Variants in ZSCAN31 observed in about 807,000 individuals in gnomAD.
The protein encoded by ZSCAN31 is zinc finger and SCAN domain-containing protein 31.
In ZSCAN31, 14 loss-of-function variants were observed where a neutral mutation model predicts 22.5. The observed-to-expected ratio is 0.62, with a 90% CI of 0.41 to 0.97. The LOEUF (loss-of-function observed/expected upper bound fraction) is 0.97, where lower values mean the gene tolerates loss of function less well. ZSCAN31 is among the 50% of genes least tolerant of loss of function. The probability of loss-of-function intolerance (pLI) is 0.00; values close to 1 mark genes in which losing one functional copy is unlikely to be tolerated. For synonymous variants in ZSCAN31, 168 were observed against 169.8 expected, an observed-to-expected ratio of 0.99 and a Z score of 0.08; for missense variants, 424 against 483.4, an observed-to-expected ratio of 0.88 and a Z score of 1.15.
chr6:28,336,600 A>C (rs149225191), upstream of ZSCAN31, among the ~76,000 whole-genome samples: 5 of 152,228 alleles, frequency 3.3e-5, no homozygotes, highest in South Asian at 2.1e-4. Context: ...ACACTTTCCA[A>C]CTGGGGACAG....
chr6:28,338,472 C>T (rs765809228), upstream of ZSCAN31, among the ~76,000 whole-genome samples: 2 of 151,896 alleles, frequency 1.3e-5, no homozygotes, highest in Non-Finnish European at 2.9e-5. Flanking sequence ...ATTACAATTA[C>T]AAAACGAGAC....
Position 28,329,630 on chromosome 6 carries a change from G to A in ZSCAN31, c.54C>T (p.Asp18=), listed in dbSNP as rs1307321965. ...GGTGGGTTTCTTGGTCCCAGATAGGGTCTTCCTCCACTTTCACAATCTTAA... is the reference window on the plus strand; with the variant it reads ...GGTGGGTTTCTTGGTCCCAGATAGGATCTTCCTCCACTTTCACAATCTTAA... ...YDLKIVKVEE[D]PIWDQETHLR... is the part of the protein sequence containing the mutation. Residue 18 remains aspartate (D), a synonymous_variant, in exon 2 of 4, where the codon GAC becomes GAT. Coordinates refer to ENST00000344279, the MANE Select transcript of ZSCAN31 (RefSeq NM_030899.5). 6.8e-6 allele frequency: 11 copies of A among 1,614,138 alleles called. No homozygotes were observed. Among genetic ancestry groups the A allele is most frequent in the East Asian group, 2.2e-5 (1 of 44,884 alleles).
chr6:28,342,261 T>C (rs1378510938), intron 2 of ZSCAN31, among the ~76,000 whole-genome samples: 1 of 152,170 alleles, frequency 6.6e-6, no homozygotes, highest in African/African-American at 2.4e-5. Context: ...AACTCTGCGA[T>C]TTAGGATAGG....
chr6:28,355,330 T>C (rs1233056239), upstream of ZSCAN31: 1 of 152,182 alleles, frequency 6.6e-6, no homozygotes, highest in Non-Finnish European at 1.5e-5. Flanking sequence ...CACCCTGCTA[T>C]TGGGTAAGTC....
chr6:28,332,922 C>G (rs1763870109), intron 1 of ZSCAN31, among the ~76,000 whole-genome samples: 1 of 152,132 alleles, frequency 6.6e-6, no homozygotes, highest in Non-Finnish European at 1.5e-5. Flanking sequence ...CAAATTGACT[C>G]CAAACATTTG....
rs181502806 is a variant in ZSCAN31 at position 28,326,007 on chromosome 6, G to C, written c.*159C>G. ...ATGCAATACAAAATAAATTTTATAAGAACAGAATAAGCCACTTGAAAATCT... is the reference window on the plus strand; with the variant it reads ...ATGCAATACAAAATAAATTTTATAACAACAGAATAAGCCACTTGAAAATCT... On this transcript the variant is annotated 3_prime_UTR_variant, in exon 4 of 4. Transcript: ENST00000344279. 1 of 695,358 alleles carries C rather than the reference G, an allele frequency of 1.4e-6. No homozygotes were observed. Among genetic ancestry groups the C allele is most frequent in the African/African-American group, 1.8e-5 (1 of 56,678 alleles). The allele number at this position is 695,358 out of a possible 1,614,324, so 43.1% of individuals were successfully genotyped here. A position where few individuals can be genotyped will look rare whatever the true frequency, so the allele number is the denominator to read the frequency against.
At chr6:28,343,545 T>TTG (rs1218418082) in intron 2 of ZSCAN31, among the ~76,000 whole-genome samples, 1 of 87,906 alleles carries the variant, frequency 1.1e-5, no homozygotes, top group Non-Finnish European at 2.2e-5. Flanking sequence ...TTTCTTTCTT[T>TTG]TTTTTTTTTT....
Position 28,347,084 on chromosome 6 carries a change from G to T in ZSCAN31, c.-370-5292C>A, listed in dbSNP as rs867931675. ...CTTATACCCCTTACATCAAGGCAAG[G>T]CAATTCTTAAGGACTGTCCCATCCC... On this transcript the variant is annotated intron_variant, in intron 2 of 7. Coordinates refer to the ZSCAN31 transcript ENST00000396838. This position sits in a 1 kb window ranked among gnomAD's most constrained non-coding sequence, Gnocchi z 5.2. 6.6e-6 allele frequency among the ~76,000 whole-genome samples: 1 copy of T among 152,158 alleles called. No individual in the cohort carries two copies. Among genetic ancestry groups the T allele is most frequent in the African/African-American group, 2.4e-5 (1 of 41,430 alleles).
chr6:28,344,975 C>CA (rs11320776), intron 2 of ZSCAN31, among the ~76,000 whole-genome samples: 10,774 of 123,806 alleles, frequency 0.087, 516 homozygotes, highest in East Asian at 0.12. Flanking sequence ...ACTAAAACTA[C>CA]AAAAAAAAAA....
In ZSCAN31 at chr6:28,329,497, G is replaced by A; in HGVS notation, c.187C>T (p.Leu63Phe). The A allele has an allele frequency of 6.2e-7, 1 of 1,614,166 alleles. No individual in the cohort carries two copies. The highest frequency in any genetic ancestry group is 8.5e-7 in the Non-Finnish European group (1 of 1,180,038). ...PREALSRLRE[L>F]CHQWLRPEIH... The stretch of plus-strand genomic sequence containing the variant: ...TCTGGCCTTAGCCACTGATGACAGA[G>A]TTCTCGGAGCCGGCTCAGAGCTTCT... Residue 63 changes from leucine (L) to phenylalanine (F), a missense_variant, in exon 2 of 4, where the codon CTC becomes TTC. Transcript: ENST00000344279.
rs1056366650 is a variant in ZSCAN31, at chr6:28,331,454, C to T, written c.-95-1676G>A. On this transcript the variant is annotated intron_variant, in intron 1 of 3. Transcript: ENST00000344279. The surrounding 1 kb of genome is among the most constrained non-coding windows in gnomAD (Gnocchi z 4.8). ...CTACTAGGTGTCTGGAATAAAGGAA[C>T]GGTCCCTAACTTTATGGTATTTACC... Among the ~76,000 whole-genome samples, 3 of 152,100 alleles carry T rather than the reference C, an allele frequency of 2.0e-5. No homozygotes were observed. Among genetic ancestry groups the T allele is most frequent in the Admixed American group, 6.5e-5 (1 of 15,268 alleles).
chr6:28,326,539 T>C lies in ZSCAN31; in HGVS notation c.848A>G (p.Asn283Ser), dbSNP rs1763284368. 2 of 1,614,068 alleles carry C rather than the reference T, an allele frequency of 1.2e-6. No homozygotes were observed. Among genetic ancestry groups the C allele is most frequent in the Non-Finnish European group, 1.7e-6 (2 of 1,180,030 alleles). The change falls in exon 4 of 4, where the codon AAT becomes AGT. Residue 283 changes from asparagine (N) to serine (S), a missense_variant. By Grantham distance (46) the Asn-to-Ser change is conservative. Coordinates refer to ENST00000344279, the MANE Select transcript of ZSCAN31 (RefSeq NM_030899.5). ...TCCAGTGTGGCTCCGCCGATGTTCATTCAGGCTTGACCTCCGGCTGAAGGC... is the reference window on the plus strand; with the variant it reads ...TCCAGTGTGGCTCCGCCGATGTTCACTCAGGCTTGACCTCCGGCTGAAGGC... The part of the protein sequence containing the change: ...GKAFSRRSSL[N>S]EHRRSHTGEK...
At chr6:28,327,557 G>A (rs1763392498) in intron 2 of ZSCAN31, 24 bp from the exon 3 acceptor site, 1 of 1,608,508 alleles carries the variant, frequency 6.2e-7, no homozygotes, top group African/African-American at 1.3e-5. Context: ...GGCATATTTG[G>A]TTAAAGAGGG....
At chr6:28,348,259 T>C (rs1193343787) in intron 2 of ZSCAN31, among the ~76,000 whole-genome samples, 2 of 152,188 alleles carry the variant, frequency 1.3e-5, no homozygotes, top group Non-Finnish European at 2.9e-5. Context: ...CCTTATAGTT[T>C]GTATGTTTAT....
chr6:28,332,769 C>A (rs1291784759), intron 1 of ZSCAN31, among the ~76,000 whole-genome samples: 1 of 152,130 alleles, frequency 6.6e-6, no homozygotes, highest in Non-Finnish European at 1.5e-5. Flanking sequence ...CAGTGGTGAC[C>A]TCCCATTTGT....
At chr6:28,334,585 T>C (rs958481144) in intron 1 of ZSCAN31, among the ~76,000 whole-genome samples, 1 of 152,176 alleles carries the variant, frequency 6.6e-6, no homozygotes, top group South Asian at 2.1e-4. Context: ...AGACCTTAAA[T>C]ACCATGAGGA....
Position 28,349,825 on chromosome 6 carries a change from G to T in ZSCAN31, c.-371+4037C>A, listed in dbSNP as rs1764847380. On this transcript the variant is annotated intron_variant, in intron 2 of 7. Transcript: ENST00000396838. The surrounding 1 kb of genome is among the most constrained non-coding windows in gnomAD (Gnocchi z 4.1). ...TAGCTGGAAAAATAAAAATTTAAAA[G>T]CCTCTTTAATAGCAAAAGGGGAGGG... 1 of 152,224 alleles carries T rather than the reference G, an allele frequency of 6.6e-6. No individual in the cohort carries two copies. The highest frequency in any genetic ancestry group is 2.4e-5 in the African/African-American group (1 of 41,460). The allele number at this position is 152,224 out of a possible 1,614,324, so 9.4% of individuals were successfully genotyped here. A position where few individuals can be genotyped will look rare whatever the true frequency, so the allele number is the denominator to read the frequency against.
chr6:28,334,665 G>T (rs1366393478), intron 1 of ZSCAN31, among the ~76,000 whole-genome samples: 2 of 152,202 alleles, frequency 1.3e-5, no homozygotes, highest in African/African-American at 2.4e-5. Context: ...ACAAGGCAAT[G>T]GGATGGGAGG....
Position 28,326,365 on chromosome 6 carries a change from T to G in ZSCAN31, c.1022A>C (p.His341Pro). ...CTTCTCTCCAGTGTGTATCCTCTGA[T>G]GCTGAACAAGGCATGAGCTGAGGAG... is the stretch of plus-strand genomic sequence containing the variant. Reference protein sequence around the residue: ...AFLLSSCLVQHQRIHTGEKRY... With the variant: ...AFLLSSCLVQPQRIHTGEKRY... The change falls in exon 4 of 4, where the codon CAT (histidine) becomes CCT (proline). Residue 341 changes from histidine to proline, a missense_variant. By Grantham distance (77) the His-to-Pro change is moderately conservative (BLOSUM62 -2). Transcript: ENST00000344279. 6.2e-7 allele frequency: 1 copy of G among 1,614,260 alleles called. No homozygotes were observed. The highest frequency in any genetic ancestry group is 1.3e-5 in the African/African-American group (1 of 75,068).
Sources: allele counts gnomAD v4.1 joint callset (sites outside exome capture counted in the v4.1 genomes callset), GRCh38; gene constraint gnomAD v4.1.1; non-coding constraint Gnocchi (gnomAD v3.1); transcripts MANE v1.5; gene names NCBI Gene and HGNC (gene_info 2026-07-23, HGNC 2026-07-21).